Variants in LRP1B observed in about 807,000 individuals in gnomAD.
LRP1B encodes the protein LDL receptor related protein 1B, also known as low-density lipoprotein receptor-related protein 1B.
LRP1B carries 217 observed loss-of-function variants against 556.6 expected under a neutral mutation model. That is an observed-to-expected ratio of 0.39 (90% CI 0.35 to 0.44). The LOEUF (loss-of-function observed/expected upper bound fraction) is 0.44. Ranked by LOEUF, LRP1B falls within the 20% of genes least tolerant of loss-of-function variation. The pLI is 1.00. For synonymous variants in LRP1B, 2,047 were observed against 1,865.8 expected (o/e 1.10, Z -2.50); for missense variants, 5,053 against 5,620.8 (o/e 0.90, Z 3.23).
At chr2:141,260,270 G>T (rs1684635892) in intron 3 of LRP1B, among the ~76,000 whole-genome samples, 1 of 152,094 alleles carries the variant, frequency 6.6e-6, no homozygotes, top group Non-Finnish European at 1.5e-5. Flanking sequence ...CATCCACATT[G>T]AATTTGCTAC....
chr2:141,756,454 A>T (rs563939586), intron 2 of LRP1B, among the ~76,000 whole-genome samples: 1 of 152,036 alleles, frequency 6.6e-6, no homozygotes, highest in Non-Finnish European at 1.5e-5. Context: ...GTTAAGTTTC[A>T]ATTTATTTAA....
rs564043431 is a variant in LRP1B at position 140,733,697 on chromosome 2, C to T, written c.5759-16881G>A. Among the ~76,000 whole-genome samples the T allele has an allele frequency of 1.1e-4, 16 of 152,168 alleles. No homozygotes were observed. In the South Asian group the frequency reaches 3.1e-3, roughly 30 times the overall value. On this transcript the variant is annotated intron_variant, in intron 35 of 90. Transcript: ENST00000389484. ...TGGTGATAAAAATGAGATTAGTGAT[C>T]ACTTCTGAGGATAGGCGGGCAGGAA...
chr2:140,819,194 T>G (rs1486965698), intron 31 of LRP1B, among the ~76,000 whole-genome samples: 1 of 150,050 alleles, frequency 6.7e-6, no homozygotes, highest in African/African-American at 2.4e-5. Flanking sequence ...TATTTATGAG[T>G]GGTATAAATG....
intron 7 of LRP1B, among the ~76,000 whole-genome samples, chr2:141,083,236 T>A (rs535587103): frequency 6.0e-4 from 92 of 152,276 alleles, no homozygotes; most frequent in African/African-American, 2.1e-3. Context: ...AAATTTGTAT[T>A]ACTGTTGTTT....
chr2:140,294,399 C>T (rs1386703482), intron 84 of LRP1B, among the ~76,000 whole-genome samples: 3 of 151,366 alleles, frequency 2.0e-5, no homozygotes, highest in Admixed American at 6.6e-5. Flanking sequence ...TTCTTTGTTC[C>T]TTTGTTCATT....
intron 1 of LRP1B, among the ~76,000 whole-genome samples, chr2:142,070,292 T>C (rs1208253011): frequency 6.6e-6 from 1 of 151,844 alleles, no homozygotes; most frequent in Non-Finnish European, 1.5e-5. Flanking sequence ...GGATATCTTA[T>C]ATCCTCTCAT....
chr2:140,904,030 T>G (rs1694179492), intron 22 of LRP1B, among the ~76,000 whole-genome samples: 1 of 152,096 alleles, frequency 6.6e-6, no homozygotes, highest in Non-Finnish European at 1.5e-5. Context: ...ATATATTTAT[T>G]TATTATTCTA....
At chr2:141,821,270 A>G (rs1304870057) in intron 1 of LRP1B, among the ~76,000 whole-genome samples, 1 of 152,216 alleles carries the variant, frequency 6.6e-6, no homozygotes, top group Non-Finnish European at 1.5e-5. Context: ...AAGAGAGACT[A>G]AAACAATTTC....
At chr2:141,549,810 C>G (rs929000774) in intron 2 of LRP1B, among the ~76,000 whole-genome samples, 1 of 152,114 alleles carries the variant, frequency 6.6e-6, no homozygotes, top group Non-Finnish European at 1.5e-5. Flanking sequence ...GACTGGCCAA[C>G]ATGGTGAAAC....
At chr2:141,712,381 A>C (rs1692395249) in intron 2 of LRP1B, among the ~76,000 whole-genome samples, 1 of 151,982 alleles carries the variant, frequency 6.6e-6, no homozygotes, top group Non-Finnish European at 1.5e-5. Context: ...CCCTGTCTAA[A>C]AAAAAACAAA....
At position 142,130,799 on chromosome 2, in the gene LRP1B, G is replaced by GGCA; in HGVS notation, c.-71_-70insTGC. 1 of 1,264,060 alleles carries GGCA rather than the reference G, an allele frequency of 7.9e-7. No individual in the cohort carries two copies. Among genetic ancestry groups the GGCA allele is most frequent in the Non-Finnish European group, 1.1e-6 (1 of 880,188 alleles). The allele number at this position is 1,264,060 out of a possible 1,614,324, so 78.3% of individuals were successfully genotyped here. ...GCACCTTCGGCCCGGCGGCGGCGGC[G>GGCA]GCGGCAGGGGCCGCTTGGAGCCTGG... On this transcript the variant is annotated 5_prime_UTR_variant, in exon 1 of 91. Transcript: ENST00000389484.
chr2:141,140,650 A>G (rs1306618269), intron 7 of LRP1B, among the ~76,000 whole-genome samples: 1 of 152,154 alleles, frequency 6.6e-6, no homozygotes, highest in Non-Finnish European at 1.5e-5. Flanking sequence ...AGCTAAGGAC[A>G]GACGTCTTAG....
At chr2:140,794,624 T>TG (rs1375118331) in intron 32 of LRP1B, among the ~76,000 whole-genome samples, 1 of 151,944 alleles carries the variant, frequency 6.6e-6, no homozygotes, top group Non-Finnish European at 1.5e-5. Context: ...CTTTCTTTTT[T>TG]TTTTTTGAGA....
intron 3 of LRP1B, among the ~76,000 whole-genome samples, chr2:141,474,852 T>TC (rs1358493749): frequency 6.6e-6 from 1 of 152,214 alleles, no homozygotes; most frequent in Non-Finnish European, 1.5e-5. Flanking sequence ...GAGTTTTTTT[T>TC]CTCCAATCAG....
chr2:141,905,112 G>A (rs2104940870), intron 1 of LRP1B, among the ~76,000 whole-genome samples: 1 of 152,022 alleles, frequency 6.6e-6, no homozygotes, highest in South Asian at 2.1e-4. Context: ...CTTTAAGATG[G>A]ATGATATTAA....
chr2:140,471,209 A>T (rs1453161881), intron 60 of LRP1B, among the ~76,000 whole-genome samples: 4 of 152,182 alleles, frequency 2.6e-5, no homozygotes, highest in African/African-American at 9.7e-5. Context: ...GAGTAGGAGG[A>T]AAGAGTGTCA....
At chr2:142,089,166 T>C (rs142443104) in intron 1 of LRP1B, among the ~76,000 whole-genome samples, 1 of 152,218 alleles carries the variant, frequency 6.6e-6, no homozygotes, top group African/African-American at 2.4e-5. Context: ...AAGGGACATA[T>C]GGAGCCAGGA....
intron 2 of LRP1B, among the ~76,000 whole-genome samples, chr2:141,660,703 G>A (rs1054516490): frequency 2.0e-5 from 3 of 152,152 alleles, no homozygotes; most frequent in Admixed American, 2.0e-4. Context: ...TGTGGAAATG[G>A]GCTGCCGTGG....
At chr2:140,254,301 G>C (rs1416146818) in intron 86 of LRP1B, among the ~76,000 whole-genome samples, 2 of 152,078 alleles carry the variant, frequency 1.3e-5, no homozygotes, top group Non-Finnish European at 2.9e-5. Flanking sequence ...TTATTACAAG[G>C]TTTTGAGTAT....
Sources: allele counts gnomAD v4.1 joint callset (sites outside exome capture counted in the v4.1 genomes callset), GRCh38; gene constraint gnomAD v4.1.1; transcripts MANE v1.5; gene names NCBI Gene and HGNC (gene_info 2026-07-23, HGNC 2026-07-21).